Variants in CCDC178 observed in about 807,000 individuals in gnomAD.
The protein encoded by CCDC178 is coiled-coil domain containing 178, also known as coiled-coil domain-containing protein 178.
A neutral mutation model predicts 117.4 loss-of-function variants in CCDC178; 126 were observed. The ratio of observed to expected loss-of-function variants is 1.07; its 90% CI spans 0.93 to 1.24. The LOEUF (loss-of-function observed/expected upper bound fraction) is 1.24, where lower values mean the gene tolerates loss of function less well. CCDC178 is among the 50% of genes most tolerant of loss of function. CCDC178 has a pLI of 0.00. For missense variants in CCDC178, 1,030 were observed against 986.9 expected, an observed-to-expected ratio of 1.04 and a Z score of -0.59; for synonymous variants, 283 against 313.4, an observed-to-expected ratio of 0.90 and a Z score of 1.02.
chr18:33,060,687 T>C (rs2056907795), intron 21 of CCDC178, among the ~76,000 whole-genome samples: 1 of 152,128 alleles, frequency 6.6e-6, no homozygotes, highest in Non-Finnish European at 1.5e-5. Context: ...GAAGTCAACT[T>C]CAAACTTTCT....
intron 15 of CCDC178, among the ~76,000 whole-genome samples, chr18:33,239,503 T>TTA (rs2059461620): frequency 7.4e-6 from 1 of 135,402 alleles, no homozygotes; most frequent in African/African-American, 2.7e-5. Flanking sequence ...GTGACGTGGT[T>TTA]AAAAAAAAAA....
chr18:32,975,832 A>G (rs1726153201), intron 21 of CCDC178, among the ~76,000 whole-genome samples: 2 of 152,110 alleles, frequency 1.3e-5, no homozygotes, highest in Admixed American at 1.3e-4. Flanking sequence ...AAATGTGGCT[A>G]TCTGATGGGT....
At chr18:33,234,151 C>T (rs1054293706) in intron 15 of CCDC178, among the ~76,000 whole-genome samples, 8 of 152,030 alleles carry the variant, frequency 5.3e-5, no homozygotes, top group Admixed American at 5.2e-4. Flanking sequence ...TTATTTACTT[C>T]CTCAAATGTG....
intron 10 of CCDC178, 81 bp downstream of exon 10, chr18:33,333,093 C>G: frequency 1.2e-5 from 8 of 695,390 alleles, no homozygotes; most frequent in African/African-American, 1.9e-5. Flanking sequence ...ACCTTTAAAG[C>G]TGTGTTAATT....
At chr18:33,163,024 G>A (rs2058486300) in intron 20 of CCDC178, among the ~76,000 whole-genome samples, 1 of 152,070 alleles carries the variant, frequency 6.6e-6, no homozygotes, top group Admixed American at 6.6e-5. Flanking sequence ...CTTTCCACAG[G>A]CTGAACTAAT....
intron 20 of CCDC178, among the ~76,000 whole-genome samples, chr18:33,095,088 T>C (rs575747370): frequency 6.6e-6 from 1 of 152,136 alleles, no homozygotes; most frequent in Admixed American, 6.6e-5. Flanking sequence ...TTGGTGGAAA[T>C]ATGTGCAAGG....
At chr18:33,331,025 G>GTTTTTTTTTTTTTTTT (rs1315738648) in intron 10 of CCDC178, among the ~76,000 whole-genome samples, 1 of 55,166 alleles carries the variant, frequency 1.8e-5, no homozygotes, top group African/African-American at 1.3e-4. Flanking sequence ...CACAAACATT[G>GTTTTTTTTTTTTTTTT]CTTTTTTTTT....
chr18:33,316,287 G>C lies in CCDC178; in HGVS notation c.1022+7204C>G, dbSNP rs9949175. 8.3e-3 allele frequency among the ~76,000 whole-genome samples: 1,271 copies of C among 152,332 alleles called. 12 individuals carry two copies. Among genetic ancestry groups the C allele is most frequent in the African/African-American group, 0.029 (1,211 of 41,582 alleles). On this transcript the variant is annotated intron_variant, in intron 11 of 22. Transcript: ENST00000383096. ...GTGCTTGCGGGATAGCGCGAGTTCCGTGGGTGTGAGCTGGGAGGGCCCCAC... is the reference window on the plus strand; with the variant it reads ...GTGCTTGCGGGATAGCGCGAGTTCCCTGGGTGTGAGCTGGGAGGGCCCCAC...
At position 33,005,617 on chromosome 18, in the gene CCDC178, T is replaced by C. The variant is rs185522471; in HGVS notation, c.2389-30936A>G. On this transcript the variant is annotated intron_variant, in intron 21 of 22. Coordinates refer to ENST00000383096, the MANE Select transcript of CCDC178 (RefSeq NM_001105528.4). ...AAATAACTAATAGAGAATAATTGGA[T>C]TGTTTGTGACACAAAGAAAGGATAA... Among the ~76,000 whole-genome samples, 9 of 152,148 alleles carry C rather than the reference T, an allele frequency of 5.9e-5. No homozygotes were observed. In the East Asian group the frequency reaches 1.2e-3, roughly 20 times the overall value.
At chr18:33,403,504 C>T (rs923012522) in intron 3 of CCDC178, among the ~76,000 whole-genome samples, 2 of 145,300 alleles carry the variant, frequency 1.4e-5, no homozygotes, top group African/African-American at 5.1e-5. Context: ...AAAAAAAAAA[C>T]CGGACAAATG....
rs2058047085 is a variant in CCDC178 at position 33,129,554 on chromosome 18, C to A, written c.2239-36644G>T. Among the ~76,000 whole-genome samples, 3 of 151,714 alleles carry A rather than the reference C, an allele frequency of 2.0e-5. No individual in the cohort carries two copies. In the South Asian group the frequency reaches 6.2e-4, roughly 31 times the overall value. On this transcript the variant is annotated intron_variant, in intron 20 of 22. Coordinates refer to ENST00000383096, the MANE Select transcript of CCDC178 (RefSeq NM_001105528.4). The stretch of plus-strand genomic sequence containing the variant: ...CACTGTTTACTAAAGTCCTAAATAA[C>A]TAAAAATGTGGAACCCCAACAGGAT...
At chr18:33,404,974 A>T (rs1237020142) in intron 3 of CCDC178, among the ~76,000 whole-genome samples, 1 of 152,066 alleles carries the variant, frequency 6.6e-6, no homozygotes, top group Non-Finnish European at 1.5e-5. Flanking sequence ...GAATGGGGAA[A>T]GAATGCTAGT....
intron 20 of CCDC178, among the ~76,000 whole-genome samples, chr18:33,099,476 T>G (rs569406350): frequency 6.6e-6 from 1 of 151,998 alleles, no homozygotes; most frequent in Non-Finnish European, 1.5e-5. Flanking sequence ...GGGATATATT[T>G]TAGAATAAAC....
intron 20 of CCDC178, among the ~76,000 whole-genome samples, chr18:33,155,654 A>T (rs2058385187): frequency 6.6e-6 from 1 of 152,100 alleles, no homozygotes; most frequent in Non-Finnish European, 1.5e-5. Context: ...ATCTCAGGCA[A>T]TTTTTTTGTC....
chr18:33,167,957 T>C (rs1471072367), intron 20 of CCDC178, among the ~76,000 whole-genome samples: 1 of 152,172 alleles, frequency 6.6e-6, no homozygotes, highest in Non-Finnish European at 1.5e-5. Context: ...TTTTCTTGTA[T>C]TTAAGTTCCT....
intron 15 of CCDC178, among the ~76,000 whole-genome samples, chr18:33,227,556 G>GTATATATATA (rs145380258): frequency 9.0e-6 from 1 of 110,934 alleles, no homozygotes; most frequent in Admixed American, 9.7e-5. Flanking sequence ...GTGTGTGTGT[G>GTATATATATA]TATATATATA....
chr18:33,198,865 G>A (rs1268993622), intron 20 of CCDC178, among the ~76,000 whole-genome samples: 1 of 152,064 alleles, frequency 6.6e-6, no homozygotes, highest in Non-Finnish European at 1.5e-5. Context: ...GGTTAACAAA[G>A]CATATTAAAA....
intron 21 of CCDC178, among the ~76,000 whole-genome samples, chr18:32,983,105 G>A (rs1360141051): frequency 2.0e-5 from 3 of 151,074 alleles, no homozygotes; most frequent in Non-Finnish European, 4.4e-5. Flanking sequence ...CCATTTTGCT[G>A]TAAGCCCCAA....
At chr18:33,126,045 T>TGGCTTAA (rs1206132675) in intron 20 of CCDC178, among the ~76,000 whole-genome samples, 1 of 152,162 alleles carries the variant, frequency 6.6e-6, no homozygotes, top group Non-Finnish European at 1.5e-5. Context: ...TTTGTGTTTT[T>TGGCTTAA]GGCTTAAGGC....
Sources: gnomAD v4.1 joint callset for allele counts (sites outside exome capture counted in the v4.1 genomes callset) on GRCh38, gnomAD v4.1.1 for gene constraint, MANE v1.5 for transcripts, NCBI Gene and HGNC (gene_info 2026-07-23, HGNC 2026-07-21) for gene names.